The following TRAIP variants were observed in gnomAD, a reference collection of about 807,000 sequenced individuals.
TRAIP encodes E3 ubiquitin-protein ligase TRAIP.
In TRAIP, 37 loss-of-function variants were observed where a neutral mutation model predicts 65.0. The observed-to-expected ratio is 0.57, with a 90% CI of 0.44 to 0.75. TRAIP has a LOEUF of 0.75. Among genes scored for constraint, TRAIP ranks in the 30% least tolerant of loss-of-function variants. TRAIP has a pLI of 0.00. For missense variants in TRAIP, 481 were observed against 579.4 expected (o/e 0.83, Z 1.74); for synonymous variants, 187 against 219.1 (o/e 0.85, Z 1.29).
chr3:49,841,342 C>A (rs1458236102), intron 7 of TRAIP, among the ~76,000 whole-genome samples: 1 of 152,218 alleles, frequency 6.6e-6, no homozygotes, highest in Non-Finnish European at 1.5e-5. Flanking sequence ...GCTCCCTAAA[C>A]CACCTGGTCT....
chr3:49,853,015 G>A (rs1027996208), intron 1 of TRAIP, among the ~76,000 whole-genome samples: 1 of 151,784 alleles, frequency 6.6e-6, no homozygotes, highest in Non-Finnish European at 1.5e-5. Flanking sequence ...CCAGCTACTC[G>A]GGAGGCTGAG....
At chr3:49,847,036 C>T (rs946288354) in intron 3 of TRAIP, among the ~76,000 whole-genome samples, 2 of 151,900 alleles carry the variant, frequency 1.3e-5, no homozygotes, top group East Asian at 1.9e-4. Flanking sequence ...CAAAACTAGC[C>T]GGGTATGGTG....
chr3:49,835,673 C>T (rs912713147), intron 10 of TRAIP, among the ~76,000 whole-genome samples: 6 of 151,958 alleles, frequency 3.9e-5, no homozygotes, highest in Admixed American at 6.6e-5. Flanking sequence ...GGCACGGTGG[C>T]GCACACCTGT....
Position 49,855,824 on chromosome 3 carries a change from G to A in TRAIP, c.98+532C>T, listed in dbSNP as rs2081965291. The stretch of plus-strand genomic sequence containing the variant: ...CCACTAGCTGTACACTCAACAGAAT[G>A]GCCCTACACGGTCAGCAGGACCCCT... On this transcript the variant is annotated intron_variant, in intron 1 of 14. Transcript: ENST00000331456. Among the ~76,000 whole-genome samples, 2 of 152,166 alleles carry A rather than the reference G, an allele frequency of 1.3e-5. 1 individual carries two copies. Among genetic ancestry groups the A allele is most frequent in the South Asian group, 4.1e-4 (2 of 4,836 alleles).
At chr3:49,834,995 A>G (rs1042184706) in intron 10 of TRAIP, among the ~76,000 whole-genome samples, 6 of 152,150 alleles carry the variant, frequency 3.9e-5, no homozygotes, top group Non-Finnish European at 5.9e-5. Context: ...TGAGGCCAGG[A>G]GTTCAATACT....
rs764388824 is a variant in TRAIP at position 49,841,957 on chromosome 3, C to A, written c.504-18G>T. ...GCTCAATCCTGAAAAATACACCCAG[C>A]CCACGGCATTTGCAATCTGGAGGCT... On this transcript the variant is annotated intron_variant, in intron 6 of 14. Coordinates refer to ENST00000331456, the MANE Select transcript of TRAIP (RefSeq NM_005879.3). 6.8e-6 allele frequency: 11 copies of A among 1,606,376 alleles called. No homozygotes were observed. Among genetic ancestry groups the A allele is most frequent in the South Asian group, 4.4e-5 (4 of 90,908 alleles).
rs1227268444 is a variant in TRAIP at position 49,856,344 on chromosome 3, G to A, written c.98+12C>T. 6.2e-7 allele frequency: 1 copy of A among 1,611,738 alleles called. No individual in the cohort carries two copies. The highest frequency in any genetic ancestry group is 1.3e-5 in the African/African-American group (1 of 75,012). On this transcript the variant is annotated intron_variant, in intron 1 of 14. Transcript: ENST00000331456. ...CGGGCAAACACCGGGCCCCAACACT[G>A]CAGTCACTCACCACTGCAAGTGGAA...
At position 49,832,013 on chromosome 3, in the gene TRAIP, T is replaced by C. The variant is rs1312095091; in HGVS notation, c.940A>G (p.Ile314Val). 1.2e-6 allele frequency: 2 copies of C among 1,606,936 alleles called. No homozygotes were observed. The highest frequency in any genetic ancestry group is 8.5e-7 in the Non-Finnish European group (1 of 1,176,580). Residue 314 changes from isoleucine (I) to valine (V), a missense_variant, in exon 11 of 15, where the codon ATT becomes GTT. Ile to Val is a conservative substitution (Grantham distance 29). Coordinates refer to ENST00000331456, the MANE Select transcript of TRAIP (RefSeq NM_005879.3). ...KLRRPSFRDD[I>V]DLNATFDVDT... ...ACATCAAAGGTAGCATTGAGATCAA[T>C]ATCATCACGGAAGGATGGCCGGCGG...
chr3:49,843,285 C>G (rs940166265), intron 5 of TRAIP: 1 of 154,202 alleles, frequency 6.5e-6, no homozygotes, highest in South Asian at 2.0e-4. Context: ...GCTCACCAAC[C>G]CAGGCTGATG....
intron 6 of TRAIP, 147 bp from the exon 7 acceptor site, chr3:49,842,086 G>A: frequency 1.5e-6 from 1 of 675,476 alleles, no homozygotes; most frequent in Non-Finnish European, 2.7e-6. Flanking sequence ...CCCAAGGAAA[G>A]GCCCTGTGGC....
chr3:49,840,789 C>T (rs577695091), intron 8 of TRAIP, among the ~76,000 whole-genome samples, 196 bp downstream of exon 8: 3 of 152,336 alleles, frequency 2.0e-5, no homozygotes, highest in Non-Finnish European at 2.9e-5. Flanking sequence ...CCTCTGTGAT[C>T]TGTCCACCCC....
intron 1 of TRAIP, among the ~76,000 whole-genome samples, chr3:49,848,870 G>A (rs1262705245): frequency 1.3e-5 from 2 of 148,884 alleles, no homozygotes; most frequent in Non-Finnish European, 3.0e-5. Context: ...TTTTTGAGGT[G>A]GAGTCTTGCT....
chr3:49,831,396 T>C (rs1253086116), intron 11 of TRAIP, among the ~76,000 whole-genome samples: 2 of 152,210 alleles, frequency 1.3e-5, no homozygotes, highest in Non-Finnish European at 2.9e-5. Context: ...AGCCTCCCTT[T>C]TTCTGGTCCC....
chr3:49,852,732 G>A (rs1575401082), intron 1 of TRAIP, among the ~76,000 whole-genome samples: 3 of 151,674 alleles, frequency 2.0e-5, no homozygotes, highest in South Asian at 2.1e-4. Context: ...TCCAGCCTGG[G>A]TGACACAGCG....
chr3:49,850,570 G>A (rs923962108), intron 1 of TRAIP, among the ~76,000 whole-genome samples: 3 of 151,820 alleles, frequency 2.0e-5, no homozygotes, highest in Non-Finnish European at 2.9e-5. Flanking sequence ...AATATGGGGA[G>A]GTGGAGGGAG....
intron 10 of TRAIP, among the ~76,000 whole-genome samples, chr3:49,839,365 C>T (rs77901445): frequency 0.012 from 1,784 of 152,194 alleles, 40 homozygotes; most frequent in African/African-American, 0.04. Flanking sequence ...CTTGCAGGGA[C>T]ACCAATCCTT....
intron 7 of TRAIP, 121 bp downstream of exon 7, chr3:49,841,705 C>T: frequency 1.4e-6 from 1 of 717,862 alleles, no homozygotes. Context: ...CAAACAAAGG[C>T]AGCATGGCTC....
rs765470438 is a variant in TRAIP at position 49,842,577 on chromosome 3, C to T, written c.409-30G>A. The T allele has an allele frequency of 1.9e-6, 3 of 1,597,690 alleles. No individual in the cohort carries two copies. The Admixed American group carries it at 5.0e-5, about 27-fold the overall frequency. On this transcript the variant is annotated intron_variant, in intron 5 of 14. Transcript: ENST00000331456. The stretch of plus-strand genomic sequence containing the variant: ...AGAGCAAATACACCCATACCTGATG[C>T]TTGGAGGCCCTCAGGAGCCATTGCT...
chr3:49,849,392 G>A (rs1021455457), intron 1 of TRAIP, among the ~76,000 whole-genome samples: 5 of 151,606 alleles, frequency 3.3e-5, no homozygotes, highest in South Asian at 2.1e-4. Context: ...TTGGGAGGCC[G>A]AGGCGGGCAG....
Sources: allele counts gnomAD v4.1 joint callset (sites outside exome capture counted in the v4.1 genomes callset), GRCh38; gene constraint gnomAD v4.1.1; transcripts MANE v1.5; gene names NCBI Gene and HGNC (gene_info 2026-07-23, HGNC 2026-07-21).